The following GULP1 variants were observed in gnomAD, a reference collection of about 807,000 sequenced individuals.
GULP1 encodes the protein GULP PTB domain containing engulfment adaptor 1.
A neutral mutation model predicts 40.9 loss-of-function variants in GULP1; 19 were observed. The ratio of observed to expected loss-of-function variants is 0.46; its 90% confidence interval spans 0.32 to 0.68. The LOEUF (loss-of-function observed/expected upper bound fraction) is 0.68, where lower values mean the gene tolerates loss of function less well. Among genes scored for constraint, GULP1 ranks in the 30% least tolerant of loss-of-function variants. GULP1 has a pLI of 0.03. For synonymous variants in GULP1, 119 were observed against 117.6 expected (o/e 1.01, Z -0.08); for missense variants, 312 against 362.2 (o/e 0.86, Z 1.12).
At chr2:188,566,794 C>CA (rs11350294) in intron 7 of GULP1, among the ~76,000 whole-genome samples, 1,382 of 26,834 alleles carry the variant, frequency 0.052, 151 homozygotes, top group African/African-American at 0.11. Flanking sequence ...GACTCCATCT[C>CA]AAAAAAAAAA....
chr2:188,426,967 G>T (rs1368803967), intron 2 of GULP1, among the ~76,000 whole-genome samples: 2 of 152,176 alleles, frequency 1.3e-5, no homozygotes, highest in African/African-American at 4.8e-5. Context: ...AGGAGGTCTA[G>T]ATGGAAATGA....
intron 2 of GULP1, among the ~76,000 whole-genome samples, chr2:188,410,198 A>C (rs1350068127): frequency 6.6e-6 from 1 of 152,176 alleles, no homozygotes; most frequent in East Asian, 1.9e-4. Context: ...ATAAAAAAAA[A>C]CTCAAAATGA....
intron 1 of GULP1, among the ~76,000 whole-genome samples, chr2:188,382,912 G>A (rs190810918): frequency 1.3e-5 from 2 of 152,252 alleles, no homozygotes; most frequent in Admixed American, 6.5e-5. Flanking sequence ...CAGAGGAAGA[G>A]ATAAAATAAT....
At chr2:188,591,160 C>T (rs1703482558) in intron 11 of GULP1, 2 of 152,028 alleles carry the variant, frequency 1.3e-5, no homozygotes, top group Admixed American at 1.3e-4. Flanking sequence ...AAGAAGACCA[C>T]AAGTGGCTTA....
intron 2 of GULP1, among the ~76,000 whole-genome samples, chr2:188,446,577 A>G (rs2058402923): frequency 6.6e-6 from 1 of 152,064 alleles, no homozygotes; most frequent in Admixed American, 6.6e-5. Flanking sequence ...TGCTATTCTG[A>G]CTGGATTTAG....
intron 2 of GULP1, among the ~76,000 whole-genome samples, chr2:188,467,166 G>C (rs150606046): frequency 6.6e-6 from 1 of 151,984 alleles, no homozygotes; most frequent in Non-Finnish European, 1.5e-5. Context: ...TTATTTTCAA[G>C]AATTGGAGTT....
At chr2:188,504,966 C>A (rs1307881851) in intron 4 of GULP1, among the ~76,000 whole-genome samples, 1 of 149,726 alleles carries the variant, frequency 6.7e-6, no homozygotes, top group East Asian at 2.0e-4. Flanking sequence ...TTTTTTGCTT[C>A]ATTTTGCTAA....
rs910886541 is a variant in GULP1 at position 188,311,815 on chromosome 2, C to T, written c.-172+19649C>T. 1.8e-3 allele frequency among the ~76,000 whole-genome samples: 260 copies of T among 147,192 alleles called. 2 individuals are homozygous for T. Among genetic ancestry groups the T allele is most frequent in the Non-Finnish European group, 3.3e-4 (22 of 67,032 alleles). ...TAATATTTGTATGCATATACTTATA[C>T]GTATAAGTATATACATATGTACTAT... On this transcript the variant is annotated intron_variant, in intron 1 of 11. Transcript: ENST00000409830.
intron 1 of GULP1, among the ~76,000 whole-genome samples, chr2:188,359,680 T>C (rs1266150716): frequency 6.6e-6 from 1 of 152,134 alleles, no homozygotes; most frequent in Non-Finnish European, 1.5e-5. Context: ...AAAAATTATA[T>C]TGATGTACTA....
intron 2 of GULP1, among the ~76,000 whole-genome samples, chr2:188,436,722 A>T (rs894774716): frequency 6.6e-6 from 1 of 152,148 alleles, no homozygotes; most frequent in African/African-American, 2.4e-5. Context: ...TAGTTTATAC[A>T]TATAGTTTTA....
At chr2:188,592,123 T>C (rs369597883) in intron 11 of GULP1, 2 of 152,044 alleles carry the variant, frequency 1.3e-5, no homozygotes, top group South Asian at 2.1e-4. Flanking sequence ...ACCTCTGTTT[T>C]ACTTTGGCTG....
At chr2:188,445,319 A>G (rs1394077649) in intron 2 of GULP1, among the ~76,000 whole-genome samples, 1 of 152,138 alleles carries the variant, frequency 6.6e-6, no homozygotes, top group Non-Finnish European at 1.5e-5. Context: ...AAAACACTGA[A>G]AGCAGGAAAG....
chr2:188,537,687 T>C (rs1285771322), intron 6 of GULP1, among the ~76,000 whole-genome samples: 1 of 152,058 alleles, frequency 6.6e-6, no homozygotes, highest in Non-Finnish European at 1.5e-5. Flanking sequence ...ATCTGAATTA[T>C]GCTGGTTTTG....
chr2:188,322,844 C>T (rs2040186690), intron 1 of GULP1, among the ~76,000 whole-genome samples: 1 of 152,036 alleles, frequency 6.6e-6, no homozygotes, highest in Non-Finnish European at 1.5e-5. Context: ...TTCTTTTCTC[C>T]CAGTCTTAGG....
At chr2:188,466,021 G>T (rs1234856484) in intron 2 of GULP1, among the ~76,000 whole-genome samples, 1 of 151,714 alleles carries the variant, frequency 6.6e-6, no homozygotes, top group Non-Finnish European at 1.5e-5. Context: ...TGTCCTCACT[G>T]GGGGGACAAT....
At chr2:188,466,283 G>GTT (rs748651377) in intron 2 of GULP1, among the ~76,000 whole-genome samples, 3 of 146,704 alleles carry the variant, frequency 2.0e-5, no homozygotes, top group African/African-American at 8.0e-5. Flanking sequence ...TCAGTGGCTG[G>GTT]TTTTTTTTTC....
rs530673631 is a variant in GULP1 at position 188,363,154 on chromosome 2, TTTTTCAAGTGTA to T, written c.-171-20605_-171-20594del. 3.6e-3 allele frequency among the ~76,000 whole-genome samples: 546 copies of T among 152,232 alleles called. 6 individuals are homozygous for T. The highest frequency in any genetic ancestry group is 0.012 in the African/African-American group (513 of 41,542). On this transcript the variant is annotated intron_variant, in intron 1 of 11. Transcript: ENST00000409830. The stretch of plus-strand genomic sequence containing the variant: ...CTTTTTCTTATAGAAAACACTTGTA[TTTTTCAAGTGTA>T]TTTGTAAGAATTTAAAGTCATAACA...
chr2:188,346,230 T>C (rs2043623123), intron 1 of GULP1, among the ~76,000 whole-genome samples: 1 of 152,182 alleles, frequency 6.6e-6, no homozygotes, highest in African/African-American at 2.4e-5. Context: ...GTTAAATCCA[T>C]GTAATGATCA....
intron 1 of GULP1, among the ~76,000 whole-genome samples, chr2:188,361,662 G>T (rs942958321): frequency 1.3e-5 from 2 of 152,000 alleles, no homozygotes; most frequent in Admixed American, 6.6e-5. Context: ...AGGTAATTCT[G>T]TTTGGCAGAT....
Sources: gnomAD v4.1 joint callset for allele counts (sites outside exome capture counted in the v4.1 genomes callset) on GRCh38, gnomAD v4.1.1 for gene constraint, MANE v1.5 for transcripts, NCBI Gene and HGNC (gene_info 2026-07-23, HGNC 2026-07-21) for gene names.